The following TAFA5 variants were observed in gnomAD, a reference collection of about 807,000 sequenced individuals.
The protein encoded by TAFA5 is chemokine-like protein TAFA-5.
In TAFA5, 6 loss-of-function variants were observed where a neutral mutation model predicts 15.3. The observed-to-expected ratio is 0.39, with a 90% CI of 0.21 to 0.77. The LOEUF is 0.77. TAFA5 is among the 30% of genes least tolerant of loss of function. The pLI, the probability that TAFA5 is intolerant of heterozygous loss-of-function variation, is 0.41. For missense variants in TAFA5, 161 were observed against 193.1 expected (o/e 0.83, Z 0.98); for synonymous variants, 103 against 80.7 (o/e 1.28, Z -1.48).
chr22:48,718,635 C>A (rs1929477122), intron 3 of TAFA5, among the ~76,000 whole-genome samples: 1 of 152,140 alleles, frequency 6.6e-6, no homozygotes, highest in Non-Finnish European at 1.5e-5. Context: ...GGCCTTGGGG[C>A]CCCCTCCCCG....
At chr22:48,515,668 C>T (rs1397459884) in intron 1 of TAFA5, among the ~76,000 whole-genome samples, 1 of 152,212 alleles carries the variant, frequency 6.6e-6, no homozygotes, top group Admixed American at 6.5e-5. Context: ...TTGCACCCGG[C>T]CCTGCTGCAT....
chr22:48,575,776 C>T (rs973126782), intron 1 of TAFA5, among the ~76,000 whole-genome samples: 78 of 144,022 alleles, frequency 5.4e-4, no homozygotes, highest in African/African-American at 1.8e-3. Flanking sequence ...GTTCGATCGC[C>T]GCGGGCTCGG....
intron 3 of TAFA5, among the ~76,000 whole-genome samples, chr22:48,739,448 C>T (rs764428884): frequency 2.0e-5 from 3 of 152,176 alleles, no homozygotes; most frequent in Non-Finnish European, 4.4e-5. Context: ...CCCAGCTCTC[C>T]ACCTCATGGC....
intron 1 of TAFA5, chr22:48,543,964 G>A (rs1220349456): frequency 6.6e-6 from 1 of 152,286 alleles, no homozygotes; most frequent in Non-Finnish European, 1.5e-5. Flanking sequence ...CTGATAAGCC[G>A]AGGAGCTCCC....
intron 1 of TAFA5, among the ~76,000 whole-genome samples, chr22:48,553,280 G>T (rs1318591133): frequency 6.6e-6 from 1 of 152,132 alleles, no homozygotes; most frequent in South Asian, 2.1e-4. Flanking sequence ...CCATGCCCTG[G>T]CTCTGTGCGA....
chr22:48,597,644 G>A (rs1924817220), intron 1 of TAFA5, among the ~76,000 whole-genome samples: 1 of 152,272 alleles, frequency 6.6e-6, no homozygotes, highest in Non-Finnish European at 1.5e-5. Flanking sequence ...CTTGTGAGGG[G>A]AACCCCACCA....
At chr22:48,574,173 G>T (rs974949735) in intron 1 of TAFA5, among the ~76,000 whole-genome samples, 6 of 152,260 alleles carry the variant, frequency 3.9e-5, no homozygotes, top group East Asian at 1.9e-4. Flanking sequence ...AGAATGGCTA[G>T]TCCCTCCCAG....
intron 1 of TAFA5, among the ~76,000 whole-genome samples, chr22:48,607,825 A>C (rs926051673): frequency 6.6e-6 from 1 of 152,070 alleles, no homozygotes; most frequent in African/African-American, 2.4e-5. Flanking sequence ...AAAAAACTCA[A>C]AACTAAAACT....
chr22:48,584,895 A>G (rs1186592957), intron 1 of TAFA5, among the ~76,000 whole-genome samples: 1 of 135,256 alleles, frequency 7.4e-6, no homozygotes, highest in East Asian at 2.0e-4. Context: ...TTCACAAAAT[A>G]CATCTCACAC....
intron 1 of TAFA5, among the ~76,000 whole-genome samples, chr22:48,515,656 C>T (rs1310931517): frequency 6.6e-6 from 1 of 152,212 alleles, no homozygotes; most frequent in African/African-American, 2.4e-5. Context: ...CCTGAGGCCT[C>T]ATTGCACCCG....
At chr22:48,605,979 G>T (rs963034922) in intron 1 of TAFA5, among the ~76,000 whole-genome samples, 1 of 152,206 alleles carries the variant, frequency 6.6e-6, no homozygotes, top group Non-Finnish European at 1.5e-5. Context: ...AGCTCTGTGT[G>T]CTGGGTGGCT....
chr22:48,700,918 A>G (rs937872324), intron 2 of TAFA5, among the ~76,000 whole-genome samples: 56 of 152,164 alleles, frequency 3.7e-4, no homozygotes, highest in Non-Finnish European at 6.9e-4. Context: ...AGCTCCTCCC[A>G]TGCCATCTGC....
chr22:48,584,543 A>G (rs568316644), intron 1 of TAFA5, among the ~76,000 whole-genome samples: 18 of 148,998 alleles, frequency 1.2e-4, no homozygotes, highest in African/African-American at 4.5e-4. Flanking sequence ...AAATACACAC[A>G]CATCACACAC....
At chr22:48,617,595 G>A (rs2147178856) in intron 1 of TAFA5, among the ~76,000 whole-genome samples, 1 of 152,350 alleles carries the variant, frequency 6.6e-6, no homozygotes, top group Non-Finnish European at 1.5e-5. Context: ...CACCTCTCAG[G>A]CTGAGTGGCC....
At chr22:48,724,656 C>T (rs1158026813) in intron 3 of TAFA5, among the ~76,000 whole-genome samples, 2 of 152,048 alleles carry the variant, frequency 1.3e-5, no homozygotes, top group African/African-American at 4.8e-5. Flanking sequence ...CCCTGGGGCT[C>T]AAAGGAGTGG....
chr22:48,557,200 G>A (rs1386431194), intron 1 of TAFA5, among the ~76,000 whole-genome samples: 1 of 152,214 alleles, frequency 6.6e-6, no homozygotes, highest in African/African-American at 2.4e-5. Context: ...ACTGTACTTG[G>A]AGACAGGTTC....
intron 1 of TAFA5, among the ~76,000 whole-genome samples, chr22:48,611,876 GGGC>G (rs1036034153): frequency 2.8e-4 from 42 of 152,224 alleles, no homozygotes; most frequent in African/African-American, 9.9e-4. Flanking sequence ...GCGGCCCTGA[GGGC>G]TGCTGAGAGT....
At chr22:48,583,194 A>G (rs943623804) in intron 1 of TAFA5, among the ~76,000 whole-genome samples, 2 of 148,594 alleles carry the variant, frequency 1.3e-5, no homozygotes, top group African/African-American at 5.0e-5. Flanking sequence ...CACTCCAAAC[A>G]CAAAATATAC....
chr22:48,696,928 G>A (rs939042326), intron 2 of TAFA5, among the ~76,000 whole-genome samples: 4 of 152,190 alleles, frequency 2.6e-5, no homozygotes. Flanking sequence ...AACCTCCCTG[G>A]AAATCCAAGA....
Sources: allele counts gnomAD v4.1 joint callset (sites outside exome capture counted in the v4.1 genomes callset), GRCh38; gene constraint gnomAD v4.1.1; transcripts MANE v1.5; gene names NCBI Gene and HGNC (gene_info 2026-07-23, HGNC 2026-07-21).